DCC: variants seen among roughly 807,000 people sequenced by gnomAD.
DCC encodes the protein DCC netrin 1 receptor, also known as netrin receptor DCC.
DCC carries 58 observed loss-of-function variants against 172.5 expected under a neutral mutation model. The observed-to-expected ratio is 0.34, with a 90% CI of 0.27 to 0.42. DCC has a LOEUF of 0.42. Ranked by LOEUF, DCC falls within the 10% of genes least tolerant of loss-of-function variation. DCC has a pLI of 1.00. For missense variants in DCC, 1,740 were observed against 1,791.0 expected (o/e 0.97, Z 0.51); for synonymous variants, 709 against 644.5 (o/e 1.10, Z -1.52).
At chr18:53,427,090 G>A (rs1911020059) in intron 21 of DCC, among the ~76,000 whole-genome samples, 1 of 152,090 alleles carries the variant, frequency 6.6e-6, no homozygotes, top group Non-Finnish European at 1.5e-5. Flanking sequence ...TCATTCCGTG[G>A]CCTTTGAGAA....
chr18:52,975,945 C>T (rs1242329025), intron 5 of DCC, among the ~76,000 whole-genome samples: 1 of 152,188 alleles, frequency 6.6e-6, no homozygotes, highest in Admixed American at 6.5e-5. Flanking sequence ...CTGTCCTTCA[C>T]AATGGCTGAA....
intron 2 of DCC, among the ~76,000 whole-genome samples, chr18:52,776,812 G>A (rs2037443447): frequency 1.3e-5 from 2 of 152,118 alleles, no homozygotes; most frequent in Admixed American, 1.3e-4. Context: ...AAAGTTTTCT[G>A]CAAACTAGTT....
At chr18:53,472,528 G>T (rs73957245) in intron 25 of DCC, among the ~76,000 whole-genome samples, 2 of 152,034 alleles carry the variant, frequency 1.3e-5, no homozygotes, top group African/African-American at 2.4e-5. Flanking sequence ...AAACATTATT[G>T]TACTTTAGAA....
intron 1 of DCC, among the ~76,000 whole-genome samples, chr18:52,748,512 T>C (rs1209418135): frequency 1.3e-5 from 2 of 152,156 alleles, no homozygotes; most frequent in African/African-American, 2.4e-5. Flanking sequence ...TTCGGCTCCT[T>C]TGTGTTACAG....
intron 7 of DCC, among the ~76,000 whole-genome samples, chr18:53,126,672 C>T (rs1009742608): frequency 1.3e-5 from 2 of 152,124 alleles, no homozygotes; most frequent in African/African-American, 4.8e-5. Flanking sequence ...ATACGTATCA[C>T]TGAAAACTGT....
At chr18:52,400,858 C>T (rs1397285338) in intron 1 of DCC, among the ~76,000 whole-genome samples, 4 of 151,932 alleles carry the variant, frequency 2.6e-5, no homozygotes, top group Non-Finnish European at 5.9e-5. Flanking sequence ...AAACCAAACA[C>T]CGCATGTTCT....
chr18:52,568,838 T>C lies in DCC; in HGVS notation c.92-183216T>C, dbSNP rs146222115. ...AATGATATTTTTTTAAATGCCTAAG[T>C]TTAAATTTTTCAAATAAGTGCTTAA... On this transcript the variant is annotated intron_variant, in intron 1 of 28. Coordinates refer to ENST00000442544, the MANE Select transcript of DCC (RefSeq NM_005215.4). Among the ~76,000 whole-genome samples, 482 of 152,308 alleles carry C rather than the reference T, an allele frequency of 3.2e-3. 4 individuals are homozygous for C. Among genetic ancestry groups the C allele is most frequent in the African/African-American group, 0.011 (451 of 41,578 alleles).
chr18:52,417,572 T>C (rs1377394213), intron 1 of DCC, among the ~76,000 whole-genome samples: 1 of 152,202 alleles, frequency 6.6e-6, no homozygotes, highest in Non-Finnish European at 1.5e-5. Context: ...TGTTTGTTTC[T>C]TTTTATTCTT....
chr18:52,756,689 G>A lies in DCC; in HGVS notation c.412+4315G>A, dbSNP rs910633353. 7.2e-5 allele frequency among the ~76,000 whole-genome samples: 11 copies of A among 152,190 alleles called. No individual in the cohort carries two copies. In the East Asian group the frequency reaches 1.7e-3, roughly 24 times the overall value. The stretch of plus-strand genomic sequence containing the variant: ...TACCGTGAAAATGAACTTGCATCTG[G>A]CCAAGCACATCTTCCCTACTCTAAA... On this transcript the variant is annotated intron_variant, in intron 2 of 28. Transcript: ENST00000442544.
intron 25 of DCC, among the ~76,000 whole-genome samples, chr18:53,482,502 T>C (rs531812141): frequency 2.0e-5 from 3 of 152,238 alleles, no homozygotes; most frequent in Admixed American, 2.0e-4. Context: ...TAAAAGATTA[T>C]ATGGCTTGCA....
At chr18:52,728,228 T>C (rs2036583364) in intron 1 of DCC, among the ~76,000 whole-genome samples, 1 of 152,144 alleles carries the variant, frequency 6.6e-6, no homozygotes, top group African/African-American at 2.4e-5. Flanking sequence ...ACAGAACTAT[T>C]GTGAAGAGAT....
At chr18:52,768,222 A>G (rs967093126) in intron 2 of DCC, among the ~76,000 whole-genome samples, 9 of 152,214 alleles carry the variant, frequency 5.9e-5, no homozygotes, top group Admixed American at 6.5e-5. Context: ...CTTGACATTT[A>G]GAGTGTAAGG....
chr18:52,532,608 T>C (rs904576874), intron 1 of DCC, among the ~76,000 whole-genome samples: 2 of 152,148 alleles, frequency 1.3e-5, no homozygotes, highest in African/African-American at 4.8e-5. Flanking sequence ...GACTGAAGGA[T>C]ATGGGTGTGG....
At chr18:53,244,673 G>T (rs2056344785) in intron 12 of DCC, among the ~76,000 whole-genome samples, 1 of 152,016 alleles carries the variant, frequency 6.6e-6, no homozygotes, top group Admixed American at 6.6e-5. Context: ...CTCTCCTTGA[G>T]GCTTGGACTT....
At chr18:53,211,136 T>C (rs1197927836) in intron 11 of DCC, among the ~76,000 whole-genome samples, 1 of 152,216 alleles carries the variant, frequency 6.6e-6, no homozygotes, top group Non-Finnish European at 1.5e-5. Context: ...CCTGATTTCA[T>C]AGGCAACATA....
intron 5 of DCC, among the ~76,000 whole-genome samples, chr18:53,005,288 A>G (rs2041627719): frequency 6.6e-6 from 1 of 152,206 alleles, no homozygotes; most frequent in Non-Finnish European, 1.5e-5. Flanking sequence ...TTGACATTGG[A>G]ATATTTTAGG....
intron 1 of DCC, among the ~76,000 whole-genome samples, chr18:52,525,082 C>CAT (rs561642211): frequency 6.6e-6 from 1 of 151,926 alleles, no homozygotes; most frequent in African/African-American, 2.4e-5. Flanking sequence ...AAATTATCCT[C>CAT]ATATATATAT....
chr18:53,350,861 C>A (rs2057783406), intron 15 of DCC, among the ~76,000 whole-genome samples: 1 of 151,880 alleles, frequency 6.6e-6, no homozygotes, highest in South Asian at 2.1e-4. Context: ...ACAGAAATTC[C>A]TAGTTTTAAC....
At chr18:52,555,796 C>T (rs574571535) in intron 1 of DCC, among the ~76,000 whole-genome samples, 7 of 152,080 alleles carry the variant, frequency 4.6e-5, no homozygotes, top group African/African-American at 1.7e-4. Flanking sequence ...TGGAAAAGAA[C>T]AAGTCATTAC....
Sources: gnomAD v4.1 joint callset for allele counts (sites outside exome capture counted in the v4.1 genomes callset) on GRCh38, gnomAD v4.1.1 for gene constraint, MANE v1.5 for transcripts, NCBI Gene and HGNC (gene_info 2026-07-23, HGNC 2026-07-21) for gene names.